METTL22: variants seen among roughly 807,000 people sequenced by gnomAD.
The protein encoded by METTL22 is methyltransferase-like protein 22.
A neutral mutation model predicts 48.4 loss-of-function variants in METTL22; 51 were observed. The observed-to-expected ratio is 1.05, with a 90% confidence interval of 0.84 to 1.33. The LOEUF (loss-of-function observed/expected upper bound fraction) is 1.33. Among genes scored for constraint, METTL22 ranks in the 40% most tolerant of loss-of-function variants. METTL22 has a pLI of 0.00. For synonymous variants in METTL22, 255 were observed against 214.1 expected, an observed-to-expected ratio of 1.19 and a Z score of -1.67; for missense variants, 678 against 526.9, an observed-to-expected ratio of 1.29 and a Z score of -2.81.
At chr16:8,638,093 G>C (rs1380547516) in intron 5 of METTL22, among the ~76,000 whole-genome samples, 1 of 143,552 alleles carries the variant, frequency 7.0e-6, no homozygotes, top group Non-Finnish European at 1.5e-5. Context: ...GTTGCAGTGA[G>C]CCAAGGTTGC....
the METTL22 span, among the ~76,000 whole-genome samples, chr16:8,663,410 G>C: frequency 1.3e-5 from 2 of 151,988 alleles, no homozygotes. Flanking sequence ...GACAGGGTGG[G>C]TTATTTTGGG....
At chr16:8,654,918 T>C in the METTL22 span, among the ~76,000 whole-genome samples, 3 of 152,170 alleles carry the variant, frequency 2.0e-5, no homozygotes, top group African/African-American at 7.2e-5. Flanking sequence ...TCTAGCCCAT[T>C]ACATTTTTAC....
chr16:8,630,602 C>G (rs989951923), intron 3 of METTL22, among the ~76,000 whole-genome samples: 1 of 152,170 alleles, frequency 6.6e-6, no homozygotes, highest in African/African-American at 2.4e-5. Flanking sequence ...AGCTGGGGAG[C>G]AAACCTGTCA....
rs143212038 is a variant in METTL22 at position 8,624,636 on chromosome 16, T to C, written c.-170-860T>C. Among the ~76,000 whole-genome samples the C allele has an allele frequency of 3.0e-3, 457 of 151,824 alleles. 1 individual carries two copies. Among genetic ancestry groups the C allele is most frequent in the African/African-American group, 0.011 (437 of 41,334 alleles). On this transcript the variant is annotated intron_variant, in intron 1 of 10. Transcript: ENST00000381920. ...ATCCCAGCACTTTAGGAAGCTGATA[T>C]GGGAGGATGGCTTGAGCCCAAGAAT...
At position 8,625,573 on chromosome 16, in the gene METTL22, T is replaced by C; in HGVS notation, c.-93T>C. ...AAGCTACTCGCTACCAGCTTGGACCTGTCTGCAGTATCTCCTCTGGGACCT... is the reference window on the plus strand; with the variant it reads ...AAGCTACTCGCTACCAGCTTGGACCCGTCTGCAGTATCTCCTCTGGGACCT... On this transcript the variant is annotated 5_prime_UTR_variant, in exon 2 of 11. Transcript: ENST00000381920. The C allele has an allele frequency of 1.5e-6, 2 of 1,336,604 alleles. No individual in the cohort carries two copies. The highest frequency in any genetic ancestry group is 4.7e-5 in the East Asian group (2 of 42,116). The allele number at this position is 1,336,604 out of a possible 1,614,324, so 82.8% of individuals were successfully genotyped here. A position where few individuals can be genotyped will look rare whatever the true frequency, so the allele number is the denominator to read the frequency against.
At chr16:8,629,190 G>C (rs2056170851) in intron 3 of METTL22, 80 bp downstream of exon 3, 8 of 1,533,412 alleles carry the variant, frequency 5.2e-6, no homozygotes, top group Admixed American at 1.8e-5. Context: ...TATGATCTGA[G>C]CGTGGACTCT....
rs761634313 is a variant in METTL22 at position 8,644,594 on chromosome 16, G to A, written c.1048G>A (p.Glu350Lys). The part of the protein sequence containing the change: ...FTLRHLDVTC[E>K]AYDHFRSCLH... ...ATTGAGACACTTGGACGTCACATGT[G>A]AAGCCTACGATCACTTCCGCTCCTG... The change falls in exon 10 of 11, where the codon GAA (glutamate) becomes AAA (lysine). Residue 350 changes from glutamate (E) to lysine (K), a missense_variant. Glu to Lys is a moderately conservative substitution (Grantham distance 56). Coordinates refer to ENST00000381920, the MANE Select transcript of METTL22 (RefSeq NM_024109.4). The A allele has an allele frequency of 8.8e-6, 14 of 1,594,808 alleles. No homozygotes were observed. Among genetic ancestry groups the A allele is most frequent in the Non-Finnish European group, 1.1e-5 (13 of 1,170,004 alleles).
rs1213292737 is a variant in METTL22, at chr16:8,636,534, A to C, written c.700+1222A>C. On this transcript the variant is annotated intron_variant, in intron 5 of 10. Coordinates refer to ENST00000381920, the MANE Select transcript of METTL22 (RefSeq NM_024109.4). ...AGACTCTGTCTCAAAAAAAAAAAAA[A>C]AAAAACAAACTTTATATATGACTTT... 2.8e-4 allele frequency among the ~76,000 whole-genome samples: 34 copies of C among 123,600 alleles called. 1 individual carries two copies. The highest frequency in any genetic ancestry group is 9.4e-4 in the African/African-American group (32 of 34,170). The allele number at this position is 123,600 out of a possible 152,430, so 81.1% of individuals were successfully genotyped here. A position where few individuals can be genotyped will look rare whatever the true frequency, so the allele number is the denominator to read the frequency against.
intron 1 of METTL22, among the ~76,000 whole-genome samples, chr16:8,625,068 T>C (rs888677593): frequency 5.9e-5 from 9 of 152,066 alleles, no homozygotes; most frequent in Non-Finnish European, 1.3e-4. Flanking sequence ...ATGGAGGAAA[T>C]TGACTTTAAT....
downstream of METTL22, among the ~76,000 whole-genome samples, chr16:8,653,395 A>G (rs1290350852): frequency 6.6e-6 from 1 of 152,092 alleles, no homozygotes; most frequent in African/African-American, 2.4e-5. Context: ...TGGGGACAGC[A>G]CCGATCTCTG....
At chr16:8,645,615 CA>C (rs2141819438) in intron 10 of METTL22, among the ~76,000 whole-genome samples, 1 of 3,814 alleles carries the variant, frequency 2.6e-4, no homozygotes, top group East Asian at 0.1. Flanking sequence ...CGACAAAAAT[CA>C]AGAAAAAAAA....
chr16:8,664,793 A>G, the METTL22 span, among the ~76,000 whole-genome samples: 2 of 152,116 alleles, frequency 1.3e-5, no homozygotes, highest in Non-Finnish European at 2.9e-5. Context: ...ACCCATCTCA[A>G]GTGATCCATG....
chr16:8,653,798 A>G (rs1314101500), downstream of METTL22, among the ~76,000 whole-genome samples: 1 of 152,150 alleles, frequency 6.6e-6, no homozygotes, highest in East Asian at 1.9e-4. Flanking sequence ...GGCTCAAGCT[A>G]CTGAAACGTT....
Position 8,649,014 on chromosome 16 carries a change from G to A in METTL22, c.*2871G>A, listed in dbSNP as rs986511973. The A allele has an allele frequency of 3.9e-5, 6 of 152,206 alleles. No individual in the cohort carries two copies. Among genetic ancestry groups the A allele is most frequent in the African/African-American group, 1.4e-4 (6 of 41,432 alleles). The allele number at this position is 152,206 out of a possible 1,614,324, so 9.4% of individuals were successfully genotyped here. A position where few individuals can be genotyped will look rare whatever the true frequency, so the allele number is the denominator to read the frequency against. On this transcript the variant is annotated 3_prime_UTR_variant, in exon 11 of 11. Coordinates refer to ENST00000381920, the MANE Select transcript of METTL22 (RefSeq NM_024109.4). ...TCACTACAGGGAATATTAATAATGA[G>A]TCTTCAAATCAGAACCCCACTAGAC...
downstream of METTL22, among the ~76,000 whole-genome samples, chr16:8,650,039 C>A (rs1242983727): frequency 6.6e-6 from 1 of 152,122 alleles, no homozygotes; most frequent in African/African-American, 2.4e-5. Flanking sequence ...AGAGCACAAA[C>A]TCTGGGTTGG....
intron 3 of METTL22, 27 bp downstream of exon 3, chr16:8,629,137 C>T (rs924897043): frequency 6.3e-7 from 1 of 1,597,068 alleles, no homozygotes; most frequent in South Asian, 1.1e-5. Context: ...TGTGGCCCAC[C>T]TGTCACCAAG....
the METTL22 span, among the ~76,000 whole-genome samples, chr16:8,660,780 TGGAGGAGGAGGAGGAGGAGGAGGAGGA>T: frequency 6.4e-5 from 1 of 15,744 alleles, no homozygotes; most frequent in Non-Finnish European, 1.4e-4. Context: ...GGGCAAGTCT[TGGAGGAGGAGGAGGAGGAGGAGGAGGA>T]GGAGGAGGAG....
intron 3 of METTL22, chr16:8,631,338 T>A (rs1404222658): frequency 6.6e-6 from 1 of 152,150 alleles, no homozygotes; most frequent in Non-Finnish European, 1.5e-5. Flanking sequence ...ATTCCCCCAC[T>A]GTAGAAATAA....
chr16:8,646,007 G>GGCTGACGTT, intron 10 of METTL22, 101 bp from the exon 11 acceptor site: 1 of 1,558,622 alleles, frequency 6.4e-7, no homozygotes, highest in Non-Finnish European at 8.7e-7. Context: ...TGGCTGACGT[G>GGCTGACGTT]TTGTCTAACT....
Sources: gnomAD v4.1 joint callset for allele counts (sites outside exome capture counted in the v4.1 genomes callset) on GRCh38, gnomAD v4.1.1 for gene constraint, MANE v1.5 for transcripts, NCBI Gene and HGNC (gene_info 2026-07-23, HGNC 2026-07-21) for gene names.